Variants in NKAIN4 observed in about 807,000 individuals in gnomAD.
NKAIN4 encodes sodium/potassium-transporting ATPase subunit beta-1-interacting protein 4.
NKAIN4 carries 28 observed loss-of-function variants against 28.8 expected under a neutral mutation model. That is an observed-to-expected ratio of 0.97 (90% CI 0.72 to 1.33). The LOEUF is 1.33. Ranked by LOEUF, NKAIN4 falls within the 40% of genes most tolerant of loss-of-function variation. NKAIN4 has a pLI of 0.00. For missense variants in NKAIN4, 289 were observed against 277.2 expected, an observed-to-expected ratio of 1.04 and a Z score of -0.30; for synonymous variants, 122 against 115.6, an observed-to-expected ratio of 1.06 and a Z score of -0.36.
chr20:63,246,707 A>G, intron 4 of NKAIN4: 1 of 970,008 alleles, frequency 1.0e-6, no homozygotes, highest in Non-Finnish European at 1.2e-6. Flanking sequence ...TCCTCCAGCG[A>G]CGGCACCAGC....
At position 63,249,940 on chromosome 20, in the gene NKAIN4, T is replaced by C. The variant is rs748638063; in HGVS notation, c.187A>G (p.Met63Val). The C allele has an allele frequency of 1.2e-6, 2 of 1,612,842 alleles. No individual in the cohort carries two copies. Among genetic ancestry groups the C allele is most frequent in the Non-Finnish European group, 1.7e-6 (2 of 1,179,598 alleles). Residue 63 changes from methionine to valine, a missense_variant, in exon 2 of 7, where the codon ATG becomes GTG. Coordinates refer to ENST00000370316, the MANE Select transcript of NKAIN4 (RefSeq NM_152864.4). ...GTIQYRLRYV[M>V]VYTLWAAVWV... ...GGGCCGGGCCCAGGACTCACCACCATGACATAGCGCAGCCGGTACTGGATG... is the reference window on the plus strand; with the variant it reads ...GGGCCGGGCCCAGGACTCACCACCACGACATAGCGCAGCCGGTACTGGATG...
chr20:63,248,438 G>A lies in NKAIN4; in HGVS notation c.273+377C>T, dbSNP rs942113290. On this transcript the variant is annotated intron_variant, in intron 3 of 6. Transcript: ENST00000370316. ...GTTCCCTGCATTGCAGGAGGCACGA[G>A]GCTTTACCAGCCTGGAGGGTTGGTC... The A allele has an allele frequency of 1.0e-4, 21 of 208,302 alleles. 1 individual carries two copies. Among genetic ancestry groups the A allele is most frequent in the Middle Eastern group, 3.8e-3 (2 of 530 alleles). The allele number at this position is 208,302 out of a possible 1,614,324, so 12.9% of individuals were successfully genotyped here.
chr20:63,254,127 C>T (rs2067010402), intron 1 of NKAIN4: 2 of 459,366 alleles, frequency 4.4e-6, no homozygotes, highest in Non-Finnish European at 8.0e-6. Context: ...CCCATCCAGC[C>T]GCTGCCCCGC....
At chr20:63,244,189 C>T in intron 4 of NKAIN4, 105 bp from the exon 5 acceptor site, 2 of 934,174 alleles carry the variant, frequency 2.1e-6, no homozygotes, top group Non-Finnish European at 1.7e-6. Flanking sequence ...ACCACCAAGG[C>T]CCTGCCTCTC....
At chr20:63,254,274 C>G (rs971356425) in intron 1 of NKAIN4, 123 bp downstream of exon 1, 3 of 771,610 alleles carry the variant, frequency 3.9e-6, no homozygotes, top group South Asian at 6.0e-5. Flanking sequence ...AGGCATCCCC[C>G]CTCGGAGCTG....
intron 3 of NKAIN4, 98 bp downstream of exon 3, chr20:63,248,717 C>A: frequency 1.3e-6 from 1 of 784,504 alleles, no homozygotes; most frequent in Non-Finnish European, 2.2e-6. Context: ...GAGCCCCTGC[C>A]TCAGACGACA....
At chr20:63,250,372 G>A (rs931273293) in intron 1 of NKAIN4, among the ~76,000 whole-genome samples, 4 of 152,194 alleles carry the variant, frequency 2.6e-5, no homozygotes, top group Non-Finnish European at 4.4e-5. Flanking sequence ...CCTCCCTTGA[G>A]TAGGCCCCAT....
intron 1 of NKAIN4, 191 bp downstream of exon 1, chr20:63,254,206 C>A (rs958576948): frequency 5.7e-5 from 27 of 472,054 alleles, no homozygotes; most frequent in Non-Finnish European, 6.0e-5. Flanking sequence ...GACCCGGCGC[C>A]GCGACTCCCC....
At chr20:63,254,274 C>T (rs971356425) in intron 1 of NKAIN4, 123 bp downstream of exon 1, 1 of 771,610 alleles carries the variant, frequency 1.3e-6, no homozygotes, top group Admixed American at 4.2e-5. Context: ...AGGCATCCCC[C>T]CTCGGAGCTG....
Position 63,245,268 on chromosome 20 carries a change from G to C in NKAIN4, c.472-1184C>G, listed in dbSNP as rs559126049. Among the ~76,000 whole-genome samples, 506 of 152,236 alleles carry C rather than the reference G, an allele frequency of 3.3e-3. 4 individuals are homozygous for C. The highest frequency in any genetic ancestry group is 3.4e-3 in the Middle Eastern group (1 of 294). On this transcript the variant is annotated intron_variant, in intron 4 of 6. Coordinates refer to ENST00000370316, the MANE Select transcript of NKAIN4 (RefSeq NM_152864.4). The surrounding 1 kb of genome is among the most constrained non-coding windows in gnomAD (Gnocchi z 4.7). ...GAAGCTGTCCCAAATGGCCATTTCT[G>C]GTTCCATGCCACGGCCAGGGTGGGA... is the stretch of plus-strand genomic sequence containing the variant.
At chr20:63,251,277 G>A (rs1486333540) in intron 1 of NKAIN4, among the ~76,000 whole-genome samples, 1 of 152,164 alleles carries the variant, frequency 6.6e-6, no homozygotes, top group African/African-American at 2.4e-5. Context: ...TGCACAGGAT[G>A]GAACATGAAG....
chr20:63,241,433 G>A lies in NKAIN4; in HGVS notation c.*64C>T. ...CGCGTCCCAAGGCCTGGGAGCTCCT[G>A]TCATTGTCACTGGTCGGTCGCTGAG... On this transcript the variant is annotated 3_prime_UTR_variant, in exon 7 of 7. Coordinates refer to ENST00000370316, the MANE Select transcript of NKAIN4 (RefSeq NM_152864.4). 1 of 1,542,626 alleles carries A rather than the reference G, an allele frequency of 6.5e-7. No individual in the cohort carries two copies. The highest frequency in any genetic ancestry group is 8.8e-7 in the Non-Finnish European group (1 of 1,140,062).
chr20:63,250,321 C>T (rs912423472), intron 1 of NKAIN4, among the ~76,000 whole-genome samples: 2 of 152,216 alleles, frequency 1.3e-5, no homozygotes, highest in Non-Finnish European at 2.9e-5. Flanking sequence ...GACAGGCCCC[C>T]TTGTGTCCCC....
At chr20:63,242,681 G>A (rs1490941361) in intron 5 of NKAIN4, 58 bp from the exon 6 acceptor site, 37 of 1,409,906 alleles carry the variant, frequency 2.6e-5, no homozygotes, top group Admixed American at 3.4e-5. Context: ...AGATGTCAGA[G>A]TGGAAAACAA....
intron 6 of NKAIN4, 104 bp downstream of exon 6, chr20:63,242,435 G>T: frequency 2.6e-6 from 2 of 783,608 alleles, no homozygotes; most frequent in South Asian, 1.4e-5. Context: ...ATGGCAGAAC[G>T]GACAGGCAGG....
intron 1 of NKAIN4, 106 bp from the exon 2 acceptor site, chr20:63,250,178 C>G: frequency 7.8e-7 from 1 of 1,273,894 alleles, no homozygotes; most frequent in Non-Finnish European, 1.1e-6. Flanking sequence ...ACTTCCTCCC[C>G]ACACCCGCCC....
chr20:63,249,063 C>A (rs1367723903), intron 2 of NKAIN4, 168 bp from the exon 3 acceptor site: 8 of 607,556 alleles, frequency 1.3e-5, no homozygotes, highest in Admixed American at 2.5e-5. Context: ...TCCCCCAAGC[C>A]CACCCTGGGA....
At chr20:63,250,164 AG>A in intron 1 of NKAIN4, 92 bp from the exon 2 acceptor site, 1 of 1,416,432 alleles carries the variant, frequency 7.1e-7, no homozygotes, top group Non-Finnish European at 9.4e-7. Context: ...GGATCTCAGC[AG>A]GGACTTCCTC....
At chr20:63,248,987 G>A (rs1051502893) in intron 2 of NKAIN4, 92 bp from the exon 3 acceptor site, 20 of 843,188 alleles carry the variant, frequency 2.4e-5, no homozygotes, top group South Asian at 1.1e-4. Context: ...TCCCATGATC[G>A]CATAGGAGGG....
Sources: gnomAD v4.1 joint callset for allele counts (sites outside exome capture counted in the v4.1 genomes callset) on GRCh38, gnomAD v4.1.1 for gene constraint, Gnocchi (gnomAD v3.1) non-coding constraint, MANE v1.5 for transcripts, NCBI Gene and HGNC (gene_info 2026-07-23, HGNC 2026-07-21) for gene names.